SPDEF: variants seen among roughly 807,000 people sequenced by gnomAD.
The protein encoded by SPDEF is SAM pointed domain-containing Ets transcription factor.
Under a neutral mutation model 36.0 loss-of-function variants are expected in SPDEF, and 12 were observed. The observed-to-expected ratio is 0.33, with a 90% CI of 0.21 to 0.54. The LOEUF (loss-of-function observed/expected upper bound fraction) is 0.54. Ranked by LOEUF, SPDEF falls within the 20% of genes least tolerant of loss-of-function variation. The probability of loss-of-function intolerance (pLI) is 0.93; values close to 1 mark genes in which losing one functional copy is unlikely to be tolerated. For synonymous variants in SPDEF, 205 were observed against 193.0 expected, an observed-to-expected ratio of 1.06 and a Z score of -0.51; for missense variants, 388 against 456.9, an observed-to-expected ratio of 0.85 and a Z score of 1.37.
In SPDEF at chr6:34,552,977, A is replaced by G. The variant is rs560308508; in HGVS notation, c.-30+2952T>C. Among the ~76,000 whole-genome samples the G allele has an allele frequency of 6.6e-6, 1 of 152,246 alleles. No homozygotes were observed. The highest frequency in any genetic ancestry group is 1.9e-4 in the East Asian group (1 of 5,162). ...CAGAGAGGCCTGGGCCTTGCCCCGC[A>G]ACCAGTCTCAGGCGCTGGAGCCCCG... is the stretch of plus-strand genomic sequence containing the variant. On this transcript the variant is annotated intron_variant, in intron 1 of 5. Transcript: ENST00000374037. The surrounding 1 kb of genome is among the most constrained non-coding windows in gnomAD (Gnocchi z 4.6).
intron 1 of SPDEF, among the ~76,000 whole-genome samples, chr6:34,545,019 G>A (rs904700729): frequency 1.3e-5 from 2 of 152,196 alleles, no homozygotes; most frequent in African/African-American, 2.4e-5. Context: ...GGAACAAGGC[G>A]GGGTAGAAAC....
chr6:34,543,216 AAAAAGAAG>A, intron 2 of SPDEF, among the ~76,000 whole-genome samples: 1 of 133,904 alleles, frequency 7.5e-6, no homozygotes, highest in Middle Eastern at 3.9e-3. Flanking sequence ...AAAAAAAAAA[AAAAAGAAG>A]AAAAAGAAAA....
chr6:34,541,006 G>T lies in SPDEF; in HGVS notation c.612C>A (p.Ala204=), dbSNP rs753820197. 2 of 1,611,446 alleles carry T rather than the reference G, an allele frequency of 1.2e-6. No homozygotes were observed. Among genetic ancestry groups the T allele is most frequent in the East Asian group, 4.5e-5 (2 of 44,878 alleles). ...RSPLGGDVLH[A]HLDIWKSAAW... The stretch of plus-strand genomic sequence containing the variant: ...TACCTGACTTCCAGATGTCCAGGTG[G>T]GCGTGCAGCACATCCCCACCCAGGG... Residue 204 remains alanine, a synonymous_variant, in exon 3 of 6, where the codon GCC becomes GCA. Coordinates refer to ENST00000374037, the MANE Select transcript of SPDEF (RefSeq NM_012391.3).
chr6:34,538,716 C>A lies in SPDEF; in HGVS notation c.830-264G>T, dbSNP rs1035792290. 6.6e-6 allele frequency among the ~76,000 whole-genome samples: 1 copy of A among 152,224 alleles called. No individual in the cohort carries two copies. Among genetic ancestry groups the A allele is most frequent in the Admixed American group, 6.5e-5 (1 of 15,294 alleles). Reference sequence around the variant, plus strand: ...CTCTGGAGTCACAAACCTCCCGGTACAGGTGAGCCTGTGTACCTTAGTGGG... The same window carrying A: ...CTCTGGAGTCACAAACCTCCCGGTAAAGGTGAGCCTGTGTACCTTAGTGGG... On this transcript the variant is annotated intron_variant, in intron 5 of 5. Transcript: ENST00000374037. The surrounding 1 kb of genome is among the most constrained non-coding windows in gnomAD (Gnocchi z 5.9).
chr6:34,548,139 C>T (rs560137667), intron 1 of SPDEF, among the ~76,000 whole-genome samples: 74 of 152,350 alleles, frequency 4.9e-4, no homozygotes, highest in African/African-American at 1.7e-3. Flanking sequence ...ACCCACATCA[C>T]CCGCTTTCCT....
chr6:34,553,131 G>A (rs1005703126), intron 1 of SPDEF, among the ~76,000 whole-genome samples: 2 of 152,136 alleles, frequency 1.3e-5, no homozygotes, highest in Non-Finnish European at 2.9e-5. Context: ...CCCCAGCAGA[G>A]TCACACTAAG....
chr6:34,551,257 G>A (rs372839959), intron 1 of SPDEF, among the ~76,000 whole-genome samples: 14 of 152,354 alleles, frequency 9.2e-5, no homozygotes, highest in East Asian at 7.7e-4. Context: ...AGTTGCCTTA[G>A]TGGGGTGTGG....
intron 1 of SPDEF, among the ~76,000 whole-genome samples, chr6:34,546,410 C>G (rs1767954565): frequency 6.6e-6 from 1 of 152,008 alleles, no homozygotes; most frequent in African/African-American, 2.4e-5. Flanking sequence ...TCTCCAGTTA[C>G]CCTGTGAGAC....
At position 34,544,699 on chromosome 6, in the gene SPDEF, T is replaced by C. The variant is rs188791992; in HGVS notation, c.-29-215A>G. On this transcript the variant is annotated intron_variant, in intron 1 of 5. Coordinates refer to ENST00000374037, the MANE Select transcript of SPDEF (RefSeq NM_012391.3). This position sits in a 1 kb window ranked among gnomAD's most constrained non-coding sequence, Gnocchi z 4.4. ...GTGGGAGTGGGTGCAGGACTAGAAA[T>C]AGATCGCTCCCTCAATCCCCAAGGA... Among the ~76,000 whole-genome samples the C allele has an allele frequency of 1.4e-3, 218 of 152,096 alleles. 1 individual carries two copies. The highest frequency in any genetic ancestry group is 4.7e-3 in the African/African-American group (197 of 41,488).
In SPDEF at chr6:34,544,492, A is replaced by T. The variant is rs1348098495; in HGVS notation, c.-29-8T>A. The T allele has an allele frequency of 2.7e-6, 4 of 1,496,922 alleles. No homozygotes were observed. The South Asian group carries it at 4.0e-5, about 15-fold the overall frequency. 92.7% of individuals were successfully genotyped at this position (1,496,922 alleles called of 1,614,324 possible). ...TTGGGCTGGCGGCTGTGTCTACGGA[A>T]ATGAAAGAGGACTCAGGTTTGACTG... is the stretch of plus-strand genomic sequence containing the variant. On this transcript the variant is annotated splice_region_variant and splice_polypyrimidine_tract_variant and intron_variant, in intron 1 of 5. Coordinates refer to ENST00000374037, the MANE Select transcript of SPDEF (RefSeq NM_012391.3). The surrounding 1 kb of genome is among the most constrained non-coding windows in gnomAD (Gnocchi z 4.4).
At position 34,538,462 on chromosome 6, in the gene SPDEF, G is replaced by A. The variant is rs1361339740; in HGVS notation, c.830-10C>T. On this transcript the variant is annotated splice_polypyrimidine_tract_variant and intron_variant, in intron 5 of 5. Coordinates refer to ENST00000374037, the MANE Select transcript of SPDEF (RefSeq NM_012391.3). The surrounding 1 kb of genome is among the most constrained non-coding windows in gnomAD (Gnocchi z 5.9). ...TCAATTTTGAAGATGCCTAGAGCAG[G>A]AGGGCCCCGAGAGAGCCAGTGGTAT... 3.7e-6 allele frequency: 6 copies of A among 1,603,960 alleles called. No homozygotes were observed. The highest frequency in any genetic ancestry group is 5.1e-6 in the Non-Finnish European group (6 of 1,173,532).
rs1366283973 is a variant in SPDEF, at chr6:34,539,527, T to C, written c.670A>G (p.Ile224Val). Residue 224 changes from isoleucine to valine, a missense_variant, in exon 4 of 6, where the codon ATT becomes GTT. By Grantham distance (29) the Ile-to-Val change is conservative (BLOSUM62 3). Coordinates refer to ENST00000374037, the MANE Select transcript of SPDEF (RefSeq NM_012391.3). This position sits in a 1 kb window ranked among gnomAD's most constrained non-coding sequence, Gnocchi z 5.2. ...WMKERTSPGAIHYCASTSEES... is the reference protein window; with the variant it reads ...WMKERTSPGAVHYCASTSEES... ...CTGCCTGGCTCACCACAGTAGTGAA[T>C]CGCCCCAGGTGAAGTCCGCTCTTTC... is the stretch of plus-strand genomic sequence containing the variant. 6.3e-7 allele frequency: 1 copy of C among 1,574,996 alleles called. No homozygotes were observed. Among genetic ancestry groups the C allele is most frequent in the African/African-American group, 1.3e-5 (1 of 74,150 alleles).
intron 2 of SPDEF, among the ~76,000 whole-genome samples, chr6:34,543,564 G>A (rs190717635): frequency 1.3e-4 from 20 of 152,250 alleles, no homozygotes; most frequent in East Asian, 9.6e-4. Flanking sequence ...TTTAATGGAG[G>A]GGTCAGGGAA....
rs755969358 is a variant in SPDEF, at chr6:34,539,281, G to A, written c.798C>T (p.Gly266=). ...CCTTGTTGAGCCACCTAATGAAGCG[G>A]CCATAGCTGTGGGGCTTGAGTAGCA... ...KELLLKPHSY[G]RFIRWLNKEK... The change falls in exon 5 of 6, where the codon GGC becomes GGT. Residue 266 remains glycine (G), a synonymous_variant. Coordinates refer to ENST00000374037, the MANE Select transcript of SPDEF (RefSeq NM_012391.3). This position sits in a 1 kb window ranked among gnomAD's most constrained non-coding sequence, Gnocchi z 5.2. The A allele has an allele frequency of 1.2e-6, 2 of 1,613,918 alleles. No homozygotes were observed. The highest frequency in any genetic ancestry group is 3.3e-5 in the Admixed American group (2 of 60,016).
chr6:34,542,442 C>T (rs1767842581), intron 2 of SPDEF, among the ~76,000 whole-genome samples: 1 of 152,256 alleles, frequency 6.6e-6, no homozygotes, highest in Non-Finnish European at 1.5e-5. Flanking sequence ...GTCCCCTCCT[C>T]ATCGGGGCCT....
Position 34,539,260 on chromosome 6 carries a change from G to A in SPDEF, c.819C>T (p.Asn273=). Residue 273 remains asparagine (N), a synonymous_variant, in exon 5 of 6, where the codon AAC becomes AAT. Coordinates refer to ENST00000374037, the MANE Select transcript of SPDEF (RefSeq NM_012391.3). This position sits in a 1 kb window ranked among gnomAD's most constrained non-coding sequence, Gnocchi z 5.2. ...HSYGRFIRWL[N]KEKGIFKIED... Reference sequence around the variant, plus strand: ...GGGCACCCTGCTCACCCTTCTCCTTGTTGAGCCACCTAATGAAGCGGCCAT... The same window carrying A: ...GGGCACCCTGCTCACCCTTCTCCTTATTGAGCCACCTAATGAAGCGGCCAT... The A allele has an allele frequency of 6.2e-7, 1 of 1,613,804 alleles. No homozygotes were observed. The highest frequency in any genetic ancestry group is 8.5e-7 in the Non-Finnish European group (1 of 1,180,016).
intron 3 of SPDEF, 28 bp downstream of exon 3, chr6:34,540,956 G>C: frequency 6.3e-7 from 1 of 1,596,342 alleles, no homozygotes; most frequent in Non-Finnish European, 8.5e-7. Context: ...GCCTGGGAGG[G>C]GCTGCTCCCA....
At chr6:34,546,088 T>C (rs1304892212) in intron 1 of SPDEF, among the ~76,000 whole-genome samples, 1 of 152,188 alleles carries the variant, frequency 6.6e-6, no homozygotes, top group Non-Finnish European at 1.5e-5. Flanking sequence ...GGGTTATTTA[T>C]AGTTTCAAGC....
chr6:34,538,190 T>A lies in SPDEF; in HGVS notation c.*84A>T. ...CAGAGCAGCAGAGCAGACTGCCCGT[T>A]TTCCCCCATCTCAGGGCCTGGCTGA... On this transcript the variant is annotated 3_prime_UTR_variant, in exon 6 of 6. Coordinates refer to ENST00000374037, the MANE Select transcript of SPDEF (RefSeq NM_012391.3). The surrounding 1 kb of genome is among the most constrained non-coding windows in gnomAD (Gnocchi z 5.9). The A allele has an allele frequency of 6.9e-7, 1 of 1,452,054 alleles. No homozygotes were observed. Among genetic ancestry groups the A allele is most frequent in the Non-Finnish European group, 9.4e-7 (1 of 1,058,616 alleles). 89.9% of individuals were successfully genotyped at this position (1,452,054 alleles called of 1,614,324 possible).
Sources: gnomAD v4.1 joint callset for allele counts (sites outside exome capture counted in the v4.1 genomes callset) on GRCh38, gnomAD v4.1.1 for gene constraint, Gnocchi (gnomAD v3.1) non-coding constraint, MANE v1.5 for transcripts, NCBI Gene and HGNC (gene_info 2026-07-23, HGNC 2026-07-21) for gene names.